Variants in BAZ2B observed in about 807,000 individuals in gnomAD.
BAZ2B encodes bromodomain adjacent to zinc finger domain 2B.
A neutral mutation model predicts 246.0 loss-of-function variants in BAZ2B; 91 were observed. The observed-to-expected ratio is 0.37, with a 90% confidence interval of 0.31 to 0.44. The LOEUF is 0.44. Among genes scored for constraint, BAZ2B ranks in the 20% least tolerant of loss-of-function variants. The pLI, the probability that BAZ2B is intolerant of heterozygous loss-of-function variation, is 1.00. For synonymous variants in BAZ2B, 855 were observed against 860.0 expected (o/e 0.99, Z 0.10); for missense variants, 2,332 against 2,533.7 (o/e 0.92, Z 1.71).
chr2:159,576,322 G>T (rs1177971199), intron 1 of BAZ2B, among the ~76,000 whole-genome samples: 6 of 152,032 alleles, frequency 3.9e-5, no homozygotes, highest in Admixed American at 6.6e-5. Flanking sequence ...GTGGTCAAAA[G>T]ATGTTGACAG....
chr2:159,361,967 T>A (rs2059753371), intron 27 of BAZ2B, among the ~76,000 whole-genome samples: 1 of 144,314 alleles, frequency 6.9e-6, no homozygotes, highest in African/African-American at 2.6e-5. Flanking sequence ...GGGGTGAGGG[T>A]CTGGGGGAGG....
At chr2:159,386,199 A>G (rs1276579357) in intron 22 of BAZ2B, among the ~76,000 whole-genome samples, 154 bp downstream of exon 22, 1 of 152,182 alleles carries the variant, frequency 6.6e-6, no homozygotes, top group Non-Finnish European at 1.5e-5. Flanking sequence ...TCTTTGTATG[A>G]AGTGTAACCT....
Position 159,576,849 on chromosome 2 carries a change from G to A in BAZ2B, c.-45-20984C>T, listed in dbSNP as rs187260746. On this transcript the variant is annotated intron_variant, in intron 1 of 36. Transcript: ENST00000392783. Reference sequence around the variant, plus strand: ...AATCGCTTGAACCCAGGAGGCAGAGGTTGCGGTGAGCCGAGATCACGCCAC... The same window carrying A: ...AATCGCTTGAACCCAGGAGGCAGAGATTGCGGTGAGCCGAGATCACGCCAC... Among the ~76,000 whole-genome samples, 670 of 142,282 alleles carry A rather than the reference G, an allele frequency of 4.7e-3. 2 individuals are homozygous for A. Among genetic ancestry groups the A allele is most frequent in the African/African-American group, 0.016 (628 of 38,210 alleles). 93.3% of individuals were successfully genotyped at this position (142,282 alleles called of 152,430 possible). A position where few individuals can be genotyped will look rare whatever the true frequency, so the allele number is the denominator to read the frequency against.
intron 28 of BAZ2B, 134 bp from the exon 29 acceptor site, chr2:159,349,414 A>G: frequency 1.0e-6 from 1 of 974,564 alleles, no homozygotes; most frequent in Non-Finnish European, 1.4e-6. Flanking sequence ...AAAACAAAAT[A>G]CATTAGCAAC....
Position 159,320,359 on chromosome 2 carries a change from G to A in BAZ2B, c.6413C>T (p.Thr2138Ile), listed in dbSNP as rs1056073335. 5 of 1,580,400 alleles carry A rather than the reference G, an allele frequency of 3.2e-6. No individual in the cohort carries two copies. Among genetic ancestry groups the A allele is most frequent in the Non-Finnish European group, 4.3e-6 (5 of 1,170,912 alleles). ...DVRLVFDNCETFNEDDSDIGR... is the reference protein window; with the variant it reads ...DVRLVFDNCEIFNEDDSDIGR... ...TATATCAGAATCATCTTCATTAAAT[G>A]TTTCACAGTTGTCAAAAACAAGCCT... The change falls in exon 37 of 37, where the codon ACA becomes ATA. Residue 2138 changes from threonine to isoleucine, a missense_variant. This residue lies in a region of BAZ2B where 210 missense variants were observed against 232.5 expected (regional missense o/e 0.90). Coordinates refer to ENST00000392783, the MANE Select transcript of BAZ2B (RefSeq NM_013450.4).
chr2:159,570,942 C>T (rs892501073), intron 1 of BAZ2B, among the ~76,000 whole-genome samples: 7 of 152,154 alleles, frequency 4.6e-5, no homozygotes, highest in Non-Finnish European at 1.0e-4. Flanking sequence ...CAACCTCCTC[C>T]TCCTGGGTTC....
chr2:159,421,406 C>T (rs1427880596), intron 13 of BAZ2B, among the ~76,000 whole-genome samples: 1 of 152,084 alleles, frequency 6.6e-6, no homozygotes, highest in African/African-American at 2.4e-5. Flanking sequence ...AACTCCCGGA[C>T]TTAAGCAATC....
chr2:159,453,023 C>T (rs1181679687), intron 4 of BAZ2B, among the ~76,000 whole-genome samples: 1 of 152,214 alleles, frequency 6.6e-6, no homozygotes, highest in African/African-American at 2.4e-5. Flanking sequence ...CTGCTTGAAC[C>T]TAGAAGGCGG....
chr2:159,427,857 C>T (rs879814341), intron 13 of BAZ2B, 84 bp downstream of exon 13: 7 of 1,099,496 alleles, frequency 6.4e-6, no homozygotes, highest in Non-Finnish European at 8.2e-6. Flanking sequence ...AAAGGCAATG[C>T]TCCAGAGTGT....
intron 3 of BAZ2B, among the ~76,000 whole-genome samples, chr2:159,474,828 G>A (rs183771057): frequency 7.9e-5 from 12 of 152,160 alleles, no homozygotes; most frequent in East Asian, 5.8e-4. Flanking sequence ...TCAGTTTGGC[G>A]GGGTATGAAA....
intron 2 of BAZ2B, among the ~76,000 whole-genome samples, chr2:159,529,026 T>C (rs2085066856): frequency 6.6e-6 from 1 of 151,358 alleles, no homozygotes; most frequent in African/African-American, 2.4e-5. Flanking sequence ...GACGAGTTAA[T>C]GGGTGCAGCA....
chr2:159,700,096 T>C, the BAZ2B span, among the ~76,000 whole-genome samples: 5 of 152,166 alleles, frequency 3.3e-5, no homozygotes, highest in Admixed American at 1.3e-4. Context: ...AACTATCACA[T>C]TGGTAGTATT....
chr2:159,380,576 C>T (rs1326646078), intron 25 of BAZ2B, among the ~76,000 whole-genome samples: 1 of 152,136 alleles, frequency 6.6e-6, no homozygotes, highest in African/African-American at 2.4e-5. Context: ...TGGTCCTTGG[C>T]CTGGCATATG....
intron 6 of BAZ2B, among the ~76,000 whole-genome samples, chr2:159,439,782 CA>C (rs1462786656): frequency 6.6e-6 from 1 of 151,800 alleles, no homozygotes; most frequent in Non-Finnish European, 1.5e-5. Context: ...AGTAGGGTAG[CA>C]AAAGACCTAT....
intron 2 of BAZ2B, chr2:159,555,469 A>T (rs544888217): frequency 2.7e-4 from 41 of 152,218 alleles, no homozygotes; most frequent in African/African-American, 9.4e-4. Flanking sequence ...TATATTTCCT[A>T]ATGTGGAATC....
At chr2:159,466,659 G>A (rs1395523497) in intron 3 of BAZ2B, among the ~76,000 whole-genome samples, 1 of 152,144 alleles carries the variant, frequency 6.6e-6, no homozygotes, top group Admixed American at 6.5e-5. Context: ...TATTATATAT[G>A]ATTTATTATA....
intron 31 of BAZ2B, among the ~76,000 whole-genome samples, chr2:159,339,789 C>T (rs1233049555): frequency 6.6e-6 from 1 of 152,010 alleles, no homozygotes. Flanking sequence ...GACTGGAGGA[C>T]ATTATCCTGG....
chr2:159,566,736 C>T (rs1425375381), intron 1 of BAZ2B, among the ~76,000 whole-genome samples: 3 of 152,112 alleles, frequency 2.0e-5, no homozygotes, highest in African/African-American at 4.8e-5. Context: ...GTAAATTAAT[C>T]TAGATAAGTT....
chr2:159,355,888 C>T (rs185302590), intron 27 of BAZ2B, among the ~76,000 whole-genome samples: 76 of 152,286 alleles, frequency 5.0e-4, no homozygotes, highest in African/African-American at 1.7e-3. Context: ...GCAAGGGGTC[C>T]GGGAACTCCC....
Sources: allele counts gnomAD v4.1 joint callset (sites outside exome capture counted in the v4.1 genomes callset), GRCh38; gene constraint gnomAD v4.1.1; regional missense constraint gnomAD v4.1.1; transcripts MANE v1.5; gene names NCBI Gene and HGNC (gene_info 2026-07-23, HGNC 2026-07-21).